FN1: variants seen among roughly 807,000 people sequenced by gnomAD.
FN1 encodes fibronectin.
FN1 carries 106 observed loss-of-function variants against 297.3 expected under a neutral mutation model. The observed-to-expected ratio is 0.36, with a 90% CI of 0.30 to 0.42. FN1 has a LOEUF of 0.42. FN1 is among the 10% of genes least tolerant of loss of function. The pLI is 1.00. For missense variants in FN1, 2,690 were observed against 3,124.9 expected (o/e 0.86, Z 3.32); for synonymous variants, 1,149 against 1,152.6 (o/e 1.00, Z 0.06).
Position 215,379,171 on chromosome 2 carries a change from G to A in FN1, c.5581C>T (p.Leu1861Phe), listed in dbSNP as rs754208774. Reference protein sequence around the residue: ...EKTGPMKEINLAPDSSSVVVS... With the variant: ...EKTGPMKEINFAPDSSSVVVS... The stretch of plus-strand genomic sequence containing the variant: ...ACCACGGATGAGCTGTCAGGAGCAA[G>A]GTTGATTTCTTTCATTGGTCCGGTC... The change falls in exon 34 of 46, where the codon CTT becomes TTT. Residue 1861 changes from leucine to phenylalanine, a missense_variant. Transcript: ENST00000354785. The A allele has an allele frequency of 6.2e-7, 1 of 1,614,086 alleles. No individual in the cohort carries two copies. The highest frequency in any genetic ancestry group is 1.1e-5 in the South Asian group (1 of 91,084).
chr2:215,410,876 C>T (rs1458512939), intron 13 of FN1, among the ~76,000 whole-genome samples: 3 of 152,190 alleles, frequency 2.0e-5, no homozygotes, highest in Non-Finnish European at 2.9e-5. Context: ...AGCTTTGCCT[C>T]TCTCACTTAT....
chr2:215,415,472 CTTA>C (rs933905761), intron 12 of FN1, among the ~76,000 whole-genome samples: 3 of 152,226 alleles, frequency 2.0e-5, no homozygotes, highest in Non-Finnish European at 2.9e-5. Flanking sequence ...GGGGTAGAAT[CTTA>C]GACAAATAGC....
At position 215,422,184 on chromosome 2, in the gene FN1, C is replaced by G. The variant is rs1385184733; in HGVS notation, c.1453G>C (p.Asp485His). 1.9e-6 allele frequency: 3 copies of G among 1,613,978 alleles called. No individual in the cohort carries two copies. The African/African-American group carries it at 4.0e-5, about 22-fold the overall frequency. Residue 485 changes from aspartate to histidine, a missense_variant, in exon 10 of 46, where the codon GAT (aspartate) becomes CAT (histidine). By Grantham distance (81) the Asp-to-His change is moderately conservative. Coordinates refer to ENST00000354785, the MANE Select transcript of FN1 (RefSeq NM_212482.4). ...ATGTGACCCATGTCATGCTGCTTAT[C>G]CCACTGATCTCCAATGCGGTACATG... ...GVMYRIGDQW[D>H]KQHDMGHMMR...
chr2:215,381,908 G>T (rs2058273821), intron 32 of FN1: 2 of 376,076 alleles, frequency 5.3e-6, no homozygotes, highest in Non-Finnish European at 1.0e-5. Flanking sequence ...TTGTAGAAAA[G>T]ACGGTCTAGG....
In FN1 at chr2:215,389,853, C is replaced by G. The variant is rs76912016; in HGVS notation, c.4253-1552G>C. 8.7e-3 allele frequency among the ~76,000 whole-genome samples: 1,319 copies of G among 152,268 alleles called. 7 individuals are homozygous for G. Among genetic ancestry groups the G allele is most frequent in the Middle Eastern group, 0.017 (5 of 294 alleles). On this transcript the variant is annotated intron_variant, in intron 26 of 45. Transcript: ENST00000354785. Reference sequence around the variant, plus strand: ...TGGTAGAGCCTTTGACACACCTAAGCTATAAGCTATGTGGTCTAGCCTATT... The same window carrying G: ...TGGTAGAGCCTTTGACACACCTAAGGTATAAGCTATGTGGTCTAGCCTATT...
At chr2:215,429,400 C>T (rs7556711) in intron 5 of FN1, among the ~76,000 whole-genome samples, 6,165 of 152,176 alleles carry the variant, frequency 0.041, 403 homozygotes, top group African/African-American at 0.14. Context: ...TCCAAATTTG[C>T]TCTGTGCCAC....
At chr2:215,400,206 A>AT (rs1326659848) in intron 20 of FN1, among the ~76,000 whole-genome samples, 1 of 151,818 alleles carries the variant, frequency 6.6e-6, no homozygotes, top group Admixed American at 6.6e-5. Flanking sequence ...AAAAAAAAAA[A>AT]GCTTTACGCT....
At chr2:215,431,804 G>A (rs370403695) in intron 4 of FN1, 29 bp downstream of exon 4, 3 of 1,613,274 alleles carry the variant, frequency 1.9e-6, no homozygotes, top group Non-Finnish European at 2.5e-6. Context: ...AAGCATCCCA[G>A]CTCTTGCTCA....
At chr2:215,433,766 T>G (rs2106544178) in intron 2 of FN1, among the ~76,000 whole-genome samples, 1 of 152,336 alleles carries the variant, frequency 6.6e-6, no homozygotes, top group South Asian at 2.1e-4. Context: ...GGTTTCACAT[T>G]CCAATCTCTG....
chr2:215,425,301 G>A lies in FN1; in HGVS notation c.845-16C>T. 6.2e-7 allele frequency: 1 copy of A among 1,613,300 alleles called. No individual in the cohort carries two copies. Among genetic ancestry groups the A allele is most frequent in the Non-Finnish European group, 8.5e-7 (1 of 1,179,724 alleles). ...GGGCCAGATCCTAATGGCATGAAAA[G>A]GGAATGTCACAAAACTGGGTGAGAG... On this transcript the variant is annotated splice_polypyrimidine_tract_variant and intron_variant, in intron 6 of 45. Coordinates refer to ENST00000354785, the MANE Select transcript of FN1 (RefSeq NM_212482.4).
Position 215,433,442 on chromosome 2 carries a change from G to A in FN1, c.297C>T (p.Asp99=). The A allele has an allele frequency of 6.2e-7, 1 of 1,614,106 alleles. No individual in the cohort carries two copies. The highest frequency in any genetic ancestry group is 8.5e-7 in the Non-Finnish European group (1 of 1,179,990). Residue 99 remains aspartate, a synonymous_variant, in exon 3 of 46, where the codon GAC becomes GAT. Transcript: ENST00000354785. ...CTCGGTAAGTGTTCCCAGTGTACTT[G>A]TCAAAGCAAGTCTCTTCAGCTGAGG... ...SKPEAEETCF[D]KYTGNTYRVG...
At chr2:215,432,834 C>G (rs753864055) in intron 3 of FN1, among the ~76,000 whole-genome samples, 18 of 152,160 alleles carry the variant, frequency 1.2e-4, no homozygotes, top group African/African-American at 1.7e-4. Flanking sequence ...TGGGTATAAC[C>G]TACTGGTCAC....
In FN1 at chr2:215,410,142, C is replaced by T. The variant is rs112951123; in HGVS notation, c.1942-28G>A. The T allele has an allele frequency of 1.1e-5, 17 of 1,558,546 alleles. No individual in the cohort carries two copies. In the East Asian group the frequency reaches 3.5e-4, roughly 32 times the overall value. ...GAAAATTTAAATTAACACACACACA[C>T]ACACACACACGTGTTTACAAGGATG... On this transcript the variant is annotated intron_variant, in intron 13 of 45. Coordinates refer to ENST00000354785, the MANE Select transcript of FN1 (RefSeq NM_212482.4).
intron 38 of FN1, among the ~76,000 whole-genome samples, chr2:215,374,052 A>AC (rs1320613196): frequency 6.6e-6 from 1 of 152,154 alleles, no homozygotes; most frequent in African/African-American, 2.4e-5. Context: ...AGCATCATAT[A>AC]CCACCACTGG....
chr2:215,378,780 TA>T (rs1260443509), intron 34 of FN1, among the ~76,000 whole-genome samples: 2 of 152,168 alleles, frequency 1.3e-5, no homozygotes, highest in East Asian at 1.9e-4. Flanking sequence ...GTACAAACTG[TA>T]AAATATTCTT....
In FN1 at chr2:215,399,670, G is replaced by C. The variant is rs60658094; in HGVS notation, c.3254-319C>G. Among the ~76,000 whole-genome samples, 51 of 152,184 alleles carry C rather than the reference G, an allele frequency of 3.4e-4. No homozygotes were observed. The East Asian group carries it at 9.3e-3, about 28-fold the overall frequency. ...CCGTGAATGATACCTGAGTAACAAG[G>C]GGTTAGATGTTTGCTAAGGTGGTCC... On this transcript the variant is annotated intron_variant, in intron 20 of 45. Coordinates refer to ENST00000354785, the MANE Select transcript of FN1 (RefSeq NM_212482.4).
chr2:215,369,747 G>A (rs2055455220), intron 41 of FN1, among the ~76,000 whole-genome samples: 1 of 151,950 alleles, frequency 6.6e-6, no homozygotes, highest in African/African-American at 2.4e-5. Flanking sequence ...AAAAAAAAAT[G>A]GAAATAACAT....
intron 21 of FN1, among the ~76,000 whole-genome samples, chr2:215,398,492 T>C (rs1037272650): frequency 6.6e-6 from 1 of 152,206 alleles, no homozygotes; most frequent in Admixed American, 6.5e-5. Flanking sequence ...AAAGTCAGCA[T>C]GACATTATTA....
In FN1 at chr2:215,375,357, G is replaced by T. The variant is rs756331026; in HGVS notation, c.6014C>A (p.Thr2005Asn). 24 of 1,614,034 alleles carry T rather than the reference G, an allele frequency of 1.5e-5. No homozygotes were observed. The highest frequency in any genetic ancestry group is 2.0e-5 in the Non-Finnish European group (24 of 1,180,030). The change falls in exon 38 of 46, where the codon ACC becomes AAC. Residue 2005 changes from threonine to asparagine, a missense_variant. Thr to Asn is a moderately conservative substitution (Grantham distance 65, BLOSUM62 0). This residue lies in a region of FN1 where 1,743 missense variants were observed against 1,945.2 expected (regional missense o/e 0.90). Coordinates refer to ENST00000354785, the MANE Select transcript of FN1 (RefSeq NM_212482.4). ...DAPSNLRFLATTPNSLLVSWQ... is the reference protein window; with the variant it reads ...DAPSNLRFLANTPNSLLVSWQ... ...TGATACCAGCAAGGAATTGGGTGTG[G>T]TGGCCAGGAAACGCAGGTTGGATGG...
Sources: allele counts gnomAD v4.1 joint callset (sites outside exome capture counted in the v4.1 genomes callset), GRCh38; gene constraint gnomAD v4.1.1; regional missense constraint gnomAD v4.1.1; transcripts MANE v1.5; gene names NCBI Gene and HGNC (gene_info 2026-07-23, HGNC 2026-07-21).